The following ABCA1 variants were observed in gnomAD, a reference collection of about 807,000 sequenced individuals.
The protein encoded by ABCA1 is ATP binding cassette subfamily A member 1, also known as phospholipid-transporting ATPase ABCA1.
ABCA1 carries 133 observed loss-of-function variants against 262.5 expected under a neutral mutation model. That is an observed-to-expected ratio of 0.51 (90% CI 0.44 to 0.59). ABCA1 has a LOEUF of 0.59. Ranked by LOEUF, ABCA1 falls within the 20% of genes least tolerant of loss-of-function variation. The pLI, the probability that ABCA1 is intolerant of heterozygous loss-of-function variation, is 0.00. For synonymous variants in ABCA1, 1,022 were observed against 1,043.5 expected, an observed-to-expected ratio of 0.98 and a Z score of 0.40; for missense variants, 2,452 against 2,777.5, an observed-to-expected ratio of 0.88 and a Z score of 2.63.
chr9:104,919,407 A>G (rs7857983), intron 1 of ABCA1, among the ~76,000 whole-genome samples: 1 of 151,898 alleles, frequency 6.6e-6, no homozygotes, highest in African/African-American at 2.4e-5. Context: ...GTCAGGAGTT[A>G]AAGACCAGCC....
intron 17 of ABCA1, 73 bp from the exon 18 acceptor site, chr9:104,824,651 A>T: frequency 1.3e-6 from 2 of 1,541,318 alleles, no homozygotes; most frequent in East Asian, 2.3e-5. Context: ...AGCCAGGTCC[A>T]TTTCCTCCTT....
rs1831214341 is a variant in ABCA1, at chr9:104,810,847, G to A, written c.4128C>T (p.Ser1376=). 1.2e-6 allele frequency: 2 copies of A among 1,614,220 alleles called. No individual in the cohort carries two copies. The highest frequency in any genetic ancestry group is 1.6e-4 in the Middle Eastern group (1 of 6,062). ...LIVPPFGKYP[S]LELQPWMYNE... Reference sequence around the variant, plus strand: ...TGTACATCCAGGGCTGAAGTTCCAGGCTGGGGTACTTGCCAAAGGGTGGCA... The same window carrying A: ...TGTACATCCAGGGCTGAAGTTCCAGACTGGGGTACTTGCCAAAGGGTGGCA... The change falls in exon 29 of 50, where the codon AGC becomes AGT. Residue 1376 remains serine, a synonymous_variant. Transcript: ENST00000374736.
rs531167938 is a variant in ABCA1, at chr9:104,831,318, A to C, written c.1716-217T>G. Among the ~76,000 whole-genome samples the C allele has an allele frequency of 2.0e-5, 3 of 151,946 alleles. No individual in the cohort carries two copies. In the East Asian group the frequency reaches 5.8e-4, roughly 29 times the overall value. On this transcript the variant is annotated intron_variant, in intron 13 of 49. Coordinates refer to ENST00000374736, the MANE Select transcript of ABCA1 (RefSeq NM_005502.4). Reference sequence around the variant, plus strand: ...CTGCAACCTCTGCCTCCTGGGTTCAAGCAATTCTCCTGCCTCAGCCTCCCG... The same window carrying C: ...CTGCAACCTCTGCCTCCTGGGTTCACGCAATTCTCCTGCCTCAGCCTCCCG...
In ABCA1 at chr9:104,855,219, CAG is replaced by C. The variant is rs1276058382; in HGVS notation, c.720+3301_720+3302del. On this transcript the variant is annotated intron_variant, in intron 7 of 49. Transcript: ENST00000374736. ...CTATCTTTTTTTTCTTTTTCTGAGACAGAGTCTCACTCTGTCACGCTGGCTGG... is the reference window on the plus strand; with the variant it reads ...CTATCTTTTTTTTCTTTTTCTGAGACAGTCTCACTCTGTCACGCTGGCTGG... The C allele has an allele frequency of 1.8e-5, 17 of 938,468 alleles. No individual in the cohort carries two copies. The East Asian group carries it at 1.5e-3, about 84-fold the overall frequency. The allele number at this position is 938,468 out of a possible 1,614,324, so 58.1% of individuals were successfully genotyped here.
chr9:104,791,576 A>G (rs892956975), intron 43 of ABCA1, among the ~76,000 whole-genome samples: 5 of 152,128 alleles, frequency 3.3e-5, no homozygotes, highest in African/African-American at 1.2e-4. Flanking sequence ...ACAGGAATGC[A>G]CTACTATGCC....
intron 37 of ABCA1, among the ~76,000 whole-genome samples, chr9:104,797,762 GTTAAATGAGAGTATGAGAGTTATTT>G (rs555243904): frequency 1.3e-5 from 2 of 152,266 alleles, no homozygotes; most frequent in East Asian, 3.9e-4. Flanking sequence ...TAATACTCAG[GTTAAATGAGAGTATGAGAGTTATTT>G]TTAAATATCC....
chr9:104,810,406 G>A (rs2118928674), intron 29 of ABCA1, among the ~76,000 whole-genome samples: 1 of 152,190 alleles, frequency 6.6e-6, no homozygotes, highest in South Asian at 2.1e-4. Flanking sequence ...ATTATACTTT[G>A]CAGAAAACAA....
At chr9:104,859,991 T>C (rs916804962) in intron 6 of ABCA1, among the ~76,000 whole-genome samples, 2 of 149,728 alleles carry the variant, frequency 1.3e-5, no homozygotes, top group African/African-American at 5.0e-5. Context: ...GAGGCAGAGG[T>C]TGTAGTGAGC....
rs1422571762 is a variant in ABCA1 at position 104,782,713 on chromosome 9, A to T, written c.*1602T>A. On this transcript the variant is annotated 3_prime_UTR_variant, in exon 50 of 50. Transcript: ENST00000374736. ...GTATCCAATATCTGCAAAGCCAATT[A>T]TTTGAAGGTACTAAATGCCATAAAC... 1 of 152,196 alleles carries T rather than the reference A, an allele frequency of 6.6e-6. No individual in the cohort carries two copies. The highest frequency in any genetic ancestry group is 1.5e-5 in the Non-Finnish European group (1 of 68,020). The allele number at this position is 152,196 out of a possible 1,614,324, so 9.4% of individuals were successfully genotyped here. A position where few individuals can be genotyped will look rare whatever the true frequency, so the allele number is the denominator to read the frequency against.
intron 5 of ABCA1, among the ~76,000 whole-genome samples, chr9:104,867,577 C>A (rs189953132): frequency 0.017 from 2,619 of 152,276 alleles, 38 homozygotes; most frequent in Middle Eastern, 0.034. Context: ...ACATATTAGC[C>A]TGGCTGAGTT....
intron 32 of ABCA1, 29 bp downstream of exon 32, chr9:104,804,597 G>A: frequency 6.4e-7 from 1 of 1,572,472 alleles, no homozygotes; most frequent in African/African-American, 1.3e-5. Flanking sequence ...GTAATAATAC[G>A]GCAGGGGCCA....
At chr9:104,811,821 G>C (rs758646050) in intron 28 of ABCA1, among the ~76,000 whole-genome samples, 1 of 152,180 alleles carries the variant, frequency 6.6e-6, no homozygotes, top group African/African-American at 2.4e-5. Context: ...CTGAGGATCA[G>C]AGAGACTAAG....
At chr9:104,912,597 T>C (rs562645386) in intron 1 of ABCA1, among the ~76,000 whole-genome samples, 15 of 152,132 alleles carry the variant, frequency 9.9e-5, no homozygotes, top group Non-Finnish European at 2.2e-4. Flanking sequence ...CCCAAGTCCT[T>C]GTTTCATCAC....
intron 2 of ABCA1, among the ~76,000 whole-genome samples, chr9:104,898,767 C>T (rs1289483001): frequency 1.3e-5 from 2 of 152,006 alleles, no homozygotes; most frequent in Non-Finnish European, 2.9e-5. Context: ...GAATGGATTT[C>T]CCTATCTCTA....
chr9:104,784,412 A>AAGT lies in ABCA1; in HGVS notation c.6686_6688dup (p.His2229_Leu2230insTyr). 1 of 1,614,080 alleles carries AAGT rather than the reference A, an allele frequency of 6.2e-7. No individual in the cohort carries two copies. On this transcript the variant is annotated inframe_insertion, in exon 50 of 50. Transcript: ENST00000374736. ...GTTTTTGTGTAATGAGAGGTCTTTT[A>AAGT]AGTGGTCATCATCACTTTGGTCCTT...
At chr9:104,838,991 A>G (rs1834111243) in intron 9 of ABCA1, among the ~76,000 whole-genome samples, 1 of 152,154 alleles carries the variant, frequency 6.6e-6, no homozygotes, top group Admixed American at 6.5e-5. Flanking sequence ...GCTTTACTCC[A>G]GAGAAGAAAA....
intron 7 of ABCA1, among the ~76,000 whole-genome samples, chr9:104,847,102 C>T (rs1299985878): frequency 6.6e-6 from 1 of 152,026 alleles, no homozygotes; most frequent in Non-Finnish European, 1.5e-5. Context: ...ACAAAACAAA[C>T]CCAGGACAAA....
rs373443263 is a variant in ABCA1 at position 104,909,710 on chromosome 9, C to T, written c.-92-5939G>A. ...TGATGACCCTAGTTAGCACCTGGCA[C>T]GTGTTCTCCCACCTCTTCCTCACCA... On this transcript the variant is annotated intron_variant, in intron 1 of 49. Coordinates refer to ENST00000374736, the MANE Select transcript of ABCA1 (RefSeq NM_005502.4). Among the ~76,000 whole-genome samples the T allele has an allele frequency of 1.9e-3, 286 of 151,906 alleles. 14 individuals carry two copies. The South Asian group carries it at 0.048, about 25-fold the overall frequency.
At chr9:104,860,040 C>A (rs915119628) in intron 6 of ABCA1, among the ~76,000 whole-genome samples, 3 of 135,136 alleles carry the variant, frequency 2.2e-5, no homozygotes, top group African/African-American at 3.1e-5. Flanking sequence ...GGTGACAGAG[C>A]GAGACTCCAA....
Sources: gnomAD v4.1 joint callset for allele counts (sites outside exome capture counted in the v4.1 genomes callset) on GRCh38, gnomAD v4.1.1 for gene constraint, MANE v1.5 for transcripts, NCBI Gene and HGNC (gene_info 2026-07-23, HGNC 2026-07-21) for gene names.